ADGRL2: variants seen among roughly 807,000 people sequenced by gnomAD.
The protein encoded by ADGRL2 is adhesion G protein-coupled receptor L2, also known as calcium-independent alpha-latrotoxin receptor 2.
ADGRL2 carries 44 observed loss-of-function variants against 157.4 expected under a neutral mutation model. That is an observed-to-expected ratio of 0.28 (90% CI 0.22 to 0.36). The LOEUF (loss-of-function observed/expected upper bound fraction) is 0.36. Ranked by LOEUF, ADGRL2 falls within the 10% of genes least tolerant of loss-of-function variation. ADGRL2 has a pLI of 1.00. For synonymous variants in ADGRL2, 585 were observed against 624.7 expected (o/e 0.94, Z 0.95); for missense variants, 1,510 against 1,768.9 (o/e 0.85, Z 2.63).
At chr1:81,978,646 T>G (rs962246815) in intron 17 of ADGRL2, among the ~76,000 whole-genome samples, 10 of 151,778 alleles carry the variant, frequency 6.6e-5, no homozygotes, top group African/African-American at 2.2e-4. Flanking sequence ...AACTCATCAT[T>G]AGGAAGGACT....
chr1:81,962,187 G>T (rs759539051), intron 11 of ADGRL2, among the ~76,000 whole-genome samples: 1 of 152,166 alleles, frequency 6.6e-6, no homozygotes, highest in Non-Finnish European at 1.5e-5. Context: ...TAGTTTTGCA[G>T]ACACTTTATT....
chr1:81,433,660 C>G (rs2077361420), intron 1 of ADGRL2, among the ~76,000 whole-genome samples: 1 of 152,206 alleles, frequency 6.6e-6, no homozygotes, highest in Non-Finnish European at 1.5e-5. Context: ...TTGGTTTTCT[C>G]ATTTGTAAAA....
intron 1 of ADGRL2, among the ~76,000 whole-genome samples, chr1:81,328,790 C>A (rs1420234238): frequency 2.0e-5 from 3 of 152,108 alleles, no homozygotes; most frequent in South Asian, 2.1e-4. Flanking sequence ...CTAGCCACCC[C>A]ACTCTTCCTC....
chr1:81,704,750 C>G (rs970494535), intron 1 of ADGRL2, among the ~76,000 whole-genome samples: 1 of 152,176 alleles, frequency 6.6e-6, no homozygotes, highest in African/African-American at 2.4e-5. Context: ...TAATTCAAAA[C>G]CAAAGATATC....
chr1:81,943,611 G>A lies in ADGRL2; in HGVS notation c.1052G>A (p.Arg351Gln), dbSNP rs1230366553. Reference sequence around the variant, plus strand: ...TCAATTGATTACATTTATAATACCCGATTAAACCGAGGAGAATATGTAGAT... The same window carrying A: ...TCAATTGATTACATTTATAATACCCAATTAAACCGAGGAGAATATGTAGAT... ...KNSIDYIYNT[R>Q]LNRGEYVDVP... Residue 351 changes from arginine (R) to glutamine (Q), a missense_variant, in exon 6 of 24, where the codon CGA (arginine) becomes CAA (glutamine). Physicochemically the swap from Arg to Gln is conservative, Grantham distance 43. Coordinates refer to ENST00000686636, the MANE Select transcript of ADGRL2 (RefSeq NM_001366006.2). This position sits in a 1 kb window ranked among gnomAD's most constrained non-coding sequence, Gnocchi z 5.6. 5.0e-6 allele frequency: 8 copies of A among 1,613,518 alleles called. No individual in the cohort carries two copies. Among genetic ancestry groups the A allele is most frequent in the African/African-American group, 2.7e-5 (2 of 74,824 alleles).
At chr1:81,525,588 G>A (rs968781743) in intron 2 of ADGRL2, among the ~76,000 whole-genome samples, 5 of 152,176 alleles carry the variant, frequency 3.3e-5, no homozygotes, top group Admixed American at 3.3e-4. Flanking sequence ...AAAGAGCTGG[G>A]ATTACAGGCA....
At chr1:81,334,034 C>G (rs1661457881) in intron 1 of ADGRL2, among the ~76,000 whole-genome samples, 1 of 152,214 alleles carries the variant, frequency 6.6e-6, no homozygotes, top group African/African-American at 2.4e-5. Flanking sequence ...GACTTCCTAA[C>G]CTCCATAACT....
intron 2 of ADGRL2, among the ~76,000 whole-genome samples, chr1:81,459,845 T>C (rs1477474203): frequency 6.7e-5 from 10 of 149,856 alleles, no homozygotes; most frequent in African/African-American, 2.2e-4. Context: ...CACACACACA[T>C]ACACACACTA....
In ADGRL2 at chr1:81,384,229, G is replaced by T. The variant is rs2076396117; in HGVS notation, c.-301-60807G>T. 2.0e-5 allele frequency among the ~76,000 whole-genome samples: 3 copies of T among 152,168 alleles called. No individual in the cohort carries two copies. In the South Asian group the frequency reaches 6.2e-4, roughly 32 times the overall value. ...GCATACTCATATAATGGCATGTTAT[G>T]CAGCCCTTAAAAATGAGAGAAGTCT... On this transcript the variant is annotated intron_variant, in intron 1 of 24. Coordinates refer to the ADGRL2 transcript ENST00000370721.
At chr1:81,929,771 G>C (rs990498726) in intron 3 of ADGRL2, among the ~76,000 whole-genome samples, 3 of 152,078 alleles carry the variant, frequency 2.0e-5, no homozygotes, top group African/African-American at 7.2e-5. Flanking sequence ...GCTTCTTTAA[G>C]ATTTGCAAAT....
At position 81,845,313 on chromosome 1, in the gene ADGRL2, A is replaced by G. The variant is rs184675256; in HGVS notation, c.73+8256A>G. 3.9e-5 allele frequency among the ~76,000 whole-genome samples: 6 copies of G among 152,118 alleles called. No homozygotes were observed. In the East Asian group the frequency reaches 7.7e-4, roughly 20 times the overall value. On this transcript the variant is annotated intron_variant, in intron 2 of 23. Coordinates refer to ENST00000686636, the MANE Select transcript of ADGRL2 (RefSeq NM_001366006.2). ...TCAAGTATAAGTAAAATACATATCT[A>G]TATAATTATTTTTCCTTCACAACTG...
At chr1:81,837,304 C>A (rs2092332158) in intron 2 of ADGRL2, among the ~76,000 whole-genome samples, 1 of 151,786 alleles carries the variant, frequency 6.6e-6, no homozygotes, top group South Asian at 2.1e-4. Flanking sequence ...TCTAAATAAT[C>A]CCGAGGGAAC....
chr1:81,722,021 G>C (rs1405972371), intron 1 of ADGRL2: 1 of 454,910 alleles, frequency 2.2e-6, no homozygotes, highest in Non-Finnish European at 4.2e-6. Flanking sequence ...GACCAGGCGC[G>C]GTGACTCACG....
At chr1:81,700,449 T>C (rs914383427) in intron 1 of ADGRL2, among the ~76,000 whole-genome samples, 1 of 152,236 alleles carries the variant, frequency 6.6e-6, no homozygotes, top group East Asian at 1.9e-4. Context: ...TTTTGAATTA[T>C]AAGATCTTTG....
chr1:81,334,632 AACATT>A (rs1231203119), intron 1 of ADGRL2, among the ~76,000 whole-genome samples: 1 of 152,238 alleles, frequency 6.6e-6, no homozygotes, highest in Non-Finnish European at 1.5e-5. Context: ...ATGGTTTGTT[AACATT>A]TACACAGGGC....
At chr1:81,356,813 C>T (rs7554708) in intron 1 of ADGRL2, among the ~76,000 whole-genome samples, 83,227 of 151,070 alleles carry the variant, frequency 0.55, 24,616 homozygotes, top group East Asian at 0.7. Context: ...ATTAGCCGAG[C>T]GTGGTGGTGG....
At chr1:81,547,592 TCTGGCGG>T (rs1325089751) in intron 2 of ADGRL2, among the ~76,000 whole-genome samples, 1 of 152,268 alleles carries the variant, frequency 6.6e-6, no homozygotes, top group Non-Finnish European at 1.5e-5. Flanking sequence ...GTATTATTTG[TCTGGCGG>T]CTTCTCAATA....
rs1295266351 is a variant in ADGRL2, at chr1:81,969,312, T to A, written c.2658T>A (p.Ile886=). The change falls in exon 15 of 24, where the codon ATT becomes ATA. Residue 886 remains isoleucine, a synonymous_variant. Coordinates refer to ENST00000686636, the MANE Select transcript of ADGRL2 (RefSeq NM_001366006.2). Reference sequence around the variant, plus strand: ...GCCTACAGAGTGACCGAAATACTATTCACAAGAACCTTTGTATCAACCTTT... The same window carrying A: ...GCCTACAGAGTGACCGAAATACTATACACAAGAACCTTTGTATCAACCTTT... The part of the protein sequence containing the change: ...FRGLQSDRNT[I]HKNLCINLFI... 1.9e-6 allele frequency: 3 copies of A among 1,614,000 alleles called. No individual in the cohort carries two copies. In the South Asian group the frequency reaches 3.3e-5, roughly 18 times the overall value.
chr1:81,975,156 T>C (rs889748087), intron 17 of ADGRL2, among the ~76,000 whole-genome samples: 4 of 152,026 alleles, frequency 2.6e-5, no homozygotes, highest in Non-Finnish European at 5.9e-5. Flanking sequence ...ATCCCCAGAA[T>C]TAATTATTAG....
Sources: allele counts gnomAD v4.1 joint callset (sites outside exome capture counted in the v4.1 genomes callset), GRCh38; gene constraint gnomAD v4.1.1; non-coding constraint Gnocchi (gnomAD v3.1); transcripts MANE v1.5; gene names NCBI Gene and HGNC (gene_info 2026-07-23, HGNC 2026-07-21).